The following AFF1 variants were observed in gnomAD, a reference collection of about 807,000 sequenced individuals.
The protein encoded by AFF1 is AF4/FMR2 family member 1.
Under a neutral mutation model 121.7 loss-of-function variants are expected in AFF1, and 48 were observed. That is an observed-to-expected ratio of 0.39 (90% CI 0.31 to 0.50). The LOEUF (loss-of-function observed/expected upper bound fraction) is 0.50, where lower values mean the gene tolerates loss of function less well. AFF1 is among the 20% of genes least tolerant of loss of function. The pLI is 0.76. For synonymous variants in AFF1, 613 were observed against 563.0 expected (o/e 1.09, Z -1.26); for missense variants, 1,523 against 1,511.7 (o/e 1.01, Z -0.12).
chr4:87,011,226 C>T (rs575353648), intron 2 of AFF1, among the ~76,000 whole-genome samples: 4 of 152,096 alleles, frequency 2.6e-5, no homozygotes, highest in East Asian at 3.9e-4. Context: ...TGGCTGAGCA[C>T]GGAGCTTCTC....
In AFF1 at chr4:87,047,106, G is replaced by C. The variant is rs1393117400; in HGVS notation, c.571G>C (p.Asp191His). The C allele has an allele frequency of 3.1e-6, 5 of 1,614,070 alleles. No individual in the cohort carries two copies. Residue 191 changes from aspartate to histidine, a missense_variant, in exon 4 of 21, where the codon GAC becomes CAC. Asp to His is a moderately conservative substitution (Grantham distance 81). Around this residue, in one of 5 missense-constraint regions of AFF1, gnomAD observed 369 missense variants for 367.2 expected, o/e 1.00. Transcript: ENST00000395146. ...GAAAGGTGACCGAAGAGCTGACGGA[G>C]ACCACTGTGCTTCGGTGACAGATTC... ...HKKGDRRADG[D>H]HCASVTDSAP...
chr4:87,135,561 T>C lies in AFF1; in HGVS notation c.3536-19T>C, dbSNP rs547390681. On this transcript the variant is annotated intron_variant, in intron 20 of 20. Transcript: ENST00000395146. The stretch of plus-strand genomic sequence containing the variant: ...CTTGTGTATTTACTTGTTTTTGTTT[T>C]GTTTTGTTTTTTTTGCAGAATTCTT... 21 of 1,480,498 alleles carry C rather than the reference T, an allele frequency of 1.4e-5. No individual in the cohort carries two copies. The African/African-American group carries it at 2.9e-4, about 21-fold the overall frequency. The allele number at this position is 1,480,498 out of a possible 1,614,324, so 91.7% of individuals were successfully genotyped here. A position where few individuals can be genotyped will look rare whatever the true frequency, so the allele number is the denominator to read the frequency against.
chr4:87,047,029 A>T lies in AFF1; in HGVS notation c.494A>T (p.His165Leu). 6.2e-7 allele frequency: 1 copy of T among 1,614,166 alleles called. No individual in the cohort carries two copies. Among genetic ancestry groups the T allele is most frequent in the Non-Finnish European group, 8.5e-7 (1 of 1,180,034 alleles). The change falls in exon 4 of 21, where the codon CAC (histidine) becomes CTC (leucine). Residue 165 changes from histidine (H) to leucine (L), a missense_variant. Around this residue, in one of 5 missense-constraint regions of AFF1, gnomAD observed 369 missense variants for 367.2 expected, o/e 1.00. Transcript: ENST00000395146. Reference protein sequence around the residue: ...AKSCGPPDSQHLTQDRLGQEG... With the variant: ...AKSCGPPDSQLLTQDRLGQEG... ...AGCTGCGGCCCACCGGACAGCCAGC[A>T]CCTGACCCAGGATCGCCTTGGTCAG...
rs1415075729 is a variant in AFF1, at chr4:87,126,344, G to C, written c.2811+8G>C. The C allele has an allele frequency of 1.2e-6, 2 of 1,612,134 alleles. No homozygotes were observed. The highest frequency in any genetic ancestry group is 3.3e-5 in the Admixed American group (2 of 60,018). On this transcript the variant is annotated splice_region_variant and intron_variant, in intron 14 of 20. Transcript: ENST00000395146. ...AGCTCCTCGGAGCACAAGGTGAGCAGGGGCGGCGGTCACTCTGTAAGATGG... is the reference window on the plus strand; with the variant it reads ...AGCTCCTCGGAGCACAAGGTGAGCACGGGCGGCGGTCACTCTGTAAGATGG...
In AFF1 at chr4:87,084,250, T is replaced by A. The variant is rs1345614925; in HGVS notation, c.1104+86T>A. 6.2e-6 allele frequency: 9 copies of A among 1,445,026 alleles called. No individual in the cohort carries two copies. In the Admixed American group the frequency reaches 1.5e-4, roughly 24 times the overall value. The allele number at this position is 1,445,026 out of a possible 1,614,324, so 89.5% of individuals were successfully genotyped here. ...ATTTACTTTCACTTTAAAGAACAGT[T>A]GCCATTGGCTGGGTGCGGTGGCTCA... On this transcript the variant is annotated intron_variant, in intron 5 of 20. Coordinates refer to ENST00000395146, the MANE Select transcript of AFF1 (RefSeq NM_001166693.3).
At chr4:86,977,558 C>A (rs1248077225) in intron 2 of AFF1, among the ~76,000 whole-genome samples, 1 of 152,094 alleles carries the variant, frequency 6.6e-6, no homozygotes, top group Non-Finnish European at 1.5e-5. Context: ...CCAACCTCAC[C>A]TTTTTCCCTC....
chr4:87,095,077 G>C (rs767360553), intron 8 of AFF1, 108 bp downstream of exon 8: 1 of 1,051,406 alleles, frequency 9.5e-7, no homozygotes, highest in Non-Finnish European at 1.4e-6. Flanking sequence ...ACATTAATAA[G>C]ACTGCTGCAT....
At chr4:87,037,242 C>T (rs1336938798) in intron 2 of AFF1, among the ~76,000 whole-genome samples, 1 of 152,064 alleles carries the variant, frequency 6.6e-6, no homozygotes, top group African/African-American at 2.4e-5. Context: ...TTAAAAACAA[C>T]GTTAACAAAA....
At chr4:86,987,946 CAAAAAAAA>C (rs70953634) in intron 2 of AFF1, among the ~76,000 whole-genome samples, 141 of 134,908 alleles carry the variant, frequency 1.0e-3, no homozygotes, top group African/African-American at 3.7e-3. Context: ...GAGTGAGACT[CAAAAAAAA>C]AAAAAAAAAT....
chr4:87,065,879 A>G (rs931205514), intron 4 of AFF1, among the ~76,000 whole-genome samples: 9 of 152,128 alleles, frequency 5.9e-5, no homozygotes, highest in African/African-American at 1.7e-4. Context: ...TCCTGCTAAT[A>G]CCATCCTGTA....
chr4:87,027,713 A>G (rs1330667212), intron 2 of AFF1, among the ~76,000 whole-genome samples: 6 of 151,946 alleles, frequency 3.9e-5, no homozygotes, highest in Non-Finnish European at 8.8e-5. Context: ...TTATAAGTAC[A>G]TATTAAATAG....
intron 2 of AFF1, among the ~76,000 whole-genome samples, chr4:86,958,062 T>G (rs931508952): frequency 6.6e-6 from 1 of 151,308 alleles, no homozygotes; most frequent in Non-Finnish European, 1.5e-5. Context: ...TAATACCTAG[T>G]CTATCTCTGA....
chr4:86,968,913 CAG>C lies in AFF1; in HGVS notation c.38+20345_38+20346del, dbSNP rs534432534. ...AAGGGAAAAAAGGAGCAGAAGATGA[CAG>C]AGTGAGATGGCACAGTGGGCCCCAG... On this transcript the variant is annotated intron_variant, in intron 2 of 20. Transcript: ENST00000395146. 7.2e-5 allele frequency among the ~76,000 whole-genome samples: 11 copies of C among 152,220 alleles called. No individual in the cohort carries two copies. The East Asian group carries it at 2.1e-3, about 29-fold the overall frequency.
intron 10 of AFF1, among the ~76,000 whole-genome samples, 188 bp downstream of exon 10, chr4:87,106,033 A>G (rs1336060272): frequency 6.6e-6 from 1 of 152,234 alleles, no homozygotes; most frequent in African/African-American, 2.4e-5. Flanking sequence ...TGTTAACCCT[A>G]TAGAAGCGAG....
intron 8 of AFF1, among the ~76,000 whole-genome samples, chr4:87,097,675 GA>G (rs1276198022): frequency 1.3e-5 from 2 of 152,182 alleles, no homozygotes; most frequent in Non-Finnish European, 2.9e-5. Flanking sequence ...GAAGAGAAGT[GA>G]TACTGAGGCC....
chr4:87,074,038 G>C (rs1722407480), intron 4 of AFF1, among the ~76,000 whole-genome samples: 2 of 151,952 alleles, frequency 1.3e-5, no homozygotes, highest in South Asian at 4.2e-4. Flanking sequence ...CAGGAAGCAT[G>C]TGACAGAACA....
At chr4:87,115,331 G>A (rs376056077) in intron 12 of AFF1, 32 bp downstream of exon 12, 367 of 1,519,092 alleles carry the variant, frequency 2.4e-4, no homozygotes, top group Non-Finnish European at 3.0e-4. Flanking sequence ...TGACTCCAGC[G>A]TGGACCATCC....
rs140916112 is a variant in AFF1 at position 87,047,154 on chromosome 4, C to T, written c.619C>T (p.Pro207Ser). ...TDSAPERELS[P>S]LISLPSPVPP... ...TTCGGCTCCAGAGAGGGAGCTTTCT[C>T]CCTTAATCTCTTTGCCTTCCCCAGT... The change falls in exon 4 of 21, where the codon CCC (proline) becomes TCC (serine). Residue 207 changes from proline (P) to serine (S), a missense_variant. Pro to Ser is a moderately conservative substitution (Grantham distance 74, BLOSUM62 -1). Transcript: ENST00000395146. 2 of 1,614,100 alleles carry T rather than the reference C, an allele frequency of 1.2e-6. No homozygotes were observed. The highest frequency in any genetic ancestry group is 2.7e-5 in the African/African-American group (2 of 74,940).
intron 2 of AFF1, among the ~76,000 whole-genome samples, chr4:87,013,832 T>C (rs1727043706): frequency 6.6e-6 from 1 of 151,898 alleles, no homozygotes; most frequent in African/African-American, 2.4e-5. Context: ...CAGATTCTGC[T>C]CCCCCTCCCC....
Sources: gnomAD v4.1 joint callset for allele counts (sites outside exome capture counted in the v4.1 genomes callset) on GRCh38, gnomAD v4.1.1 for gene constraint, gnomAD v4.1.1 regional missense constraint, MANE v1.5 for transcripts, NCBI Gene and HGNC (gene_info 2026-07-23, HGNC 2026-07-21) for gene names.